TBK1: variants seen among roughly 807,000 people sequenced by gnomAD.
TBK1 encodes TANK binding kinase 1, also known as serine/threonine-protein kinase TBK1.
A neutral mutation model predicts 99.9 loss-of-function variants in TBK1; 37 were observed. That is an observed-to-expected ratio of 0.37 (90% confidence interval 0.28 to 0.49). TBK1 has a LOEUF of 0.49. TBK1 is among the 20% of genes least tolerant of loss of function. TBK1 has a pLI of 0.98. For missense variants in TBK1, 644 were observed against 872.5 expected (o/e 0.74, Z 3.30); for synonymous variants, 258 against 279.8 (o/e 0.92, Z 0.78).
At chr12:64,483,005 G>A (rs1186816484) in intron 8 of TBK1, among the ~76,000 whole-genome samples, 1 of 152,198 alleles carries the variant, frequency 6.6e-6, no homozygotes, top group Non-Finnish European at 1.5e-5. Flanking sequence ...GGGAAGCTGG[G>A]AGAAGAATAT....
intron 15 of TBK1, chr12:64,496,019 A>G: frequency 2.5e-6 from 1 of 408,024 alleles, no homozygotes; most frequent in Non-Finnish European, 4.3e-6. Flanking sequence ...CCAGGCAGGT[A>G]ACAGAAAGGA....
At position 64,500,747 on chromosome 12, in the gene TBK1, C is replaced by T. The variant is rs118156905; in HGVS notation, c.2139-583C>T. ...CTTTGGGTATGTCACACTCCCAACTCGGTATCTTTTTTTTTTTTTTTTTTT... is the reference window on the plus strand; with the variant it reads ...CTTTGGGTATGTCACACTCCCAACTTGGTATCTTTTTTTTTTTTTTTTTTT... On this transcript the variant is annotated intron_variant, in intron 20 of 20. Transcript: ENST00000331710. Among the ~76,000 whole-genome samples the T allele has an allele frequency of 6.4e-3, 916 of 143,252 alleles. 6 individuals carry two copies. The highest frequency in any genetic ancestry group is 0.011 in the Non-Finnish European group (722 of 65,872). The allele number at this position is 143,252 out of a possible 152,430, so 94.0% of individuals were successfully genotyped here.
At chr12:64,492,131 ATTC>A (rs1221495529) in intron 13 of TBK1, among the ~76,000 whole-genome samples, 1 of 152,136 alleles carries the variant, frequency 6.6e-6, no homozygotes, top group South Asian at 2.1e-4. Context: ...AGTGTTTTAT[ATTC>A]TTCTCTGTTT....
chr12:64,476,002 C>T (rs1039470520), intron 6 of TBK1, among the ~76,000 whole-genome samples: 50 of 152,072 alleles, frequency 3.3e-4, no homozygotes, highest in African/African-American at 1.2e-3. Context: ...ATTCCCTTTT[C>T]TCCACAACCT....
chr12:64,499,028 A>G (rs1436694257), intron 20 of TBK1, among the ~76,000 whole-genome samples: 4 of 123,970 alleles, frequency 3.2e-5, no homozygotes, highest in Non-Finnish European at 6.6e-5. Flanking sequence ...GGGTTTTACT[A>G]ATTTTATTCT....
intron 3 of TBK1, among the ~76,000 whole-genome samples, chr12:64,460,906 C>T (rs1592354133): frequency 6.7e-6 from 1 of 148,428 alleles, no homozygotes; most frequent in African/African-American, 2.5e-5. Flanking sequence ...CATGGCAAAA[C>T]CCTGTCTCTG....
At chr12:64,468,432 A>G (rs1241642471) in intron 5 of TBK1, among the ~76,000 whole-genome samples, 1 of 151,946 alleles carries the variant, frequency 6.6e-6, no homozygotes, top group African/African-American at 2.4e-5. Context: ...TGGAGGTTTC[A>G]GTGAGCCGAG....
chr12:64,466,311 T>C (rs1292487551), intron 4 of TBK1, among the ~76,000 whole-genome samples: 1 of 152,138 alleles, frequency 6.6e-6, no homozygotes, highest in African/African-American at 2.4e-5. Flanking sequence ...TTAGACAAAA[T>C]AGCTTAATTT....
At chr12:64,494,644 A>G (rs1445872798) in intron 13 of TBK1, among the ~76,000 whole-genome samples, 1 of 152,228 alleles carries the variant, frequency 6.6e-6, no homozygotes, top group Non-Finnish European at 1.5e-5. Flanking sequence ...ATTTAGAGAC[A>G]ATTTATAAAT....
At chr12:64,457,214 C>T (rs1280729182) in intron 2 of TBK1, among the ~76,000 whole-genome samples, 1 of 152,124 alleles carries the variant, frequency 6.6e-6, no homozygotes, top group Admixed American at 6.5e-5. Flanking sequence ...GGGGGAGGGG[C>T]TGTTTCCTCT....
chr12:64,477,745 T>C (rs1565818251), intron 6 of TBK1, among the ~76,000 whole-genome samples: 1 of 152,182 alleles, frequency 6.6e-6, no homozygotes, highest in Non-Finnish European at 1.5e-5. Flanking sequence ...TAAGGGGAAT[T>C]GCCCATTCAG....
chr12:64,476,259 G>A (rs1323001529), intron 6 of TBK1, among the ~76,000 whole-genome samples: 3 of 144,744 alleles, frequency 2.1e-5, no homozygotes, highest in Non-Finnish European at 4.5e-5. Context: ...CCTGGTTCAC[G>A]CTATTCTCCT....
At chr12:64,471,913 G>T (rs191078147) in intron 5 of TBK1, among the ~76,000 whole-genome samples, 5 of 152,206 alleles carry the variant, frequency 3.3e-5, no homozygotes, top group African/African-American at 1.2e-4. Context: ...GTGTGAGGAG[G>T]TCCGTCTTTG....
chr12:64,500,298 CT>C (rs1015345423), intron 20 of TBK1, among the ~76,000 whole-genome samples: 2 of 152,200 alleles, frequency 1.3e-5, no homozygotes, highest in Non-Finnish European at 2.9e-5. Context: ...CTCTCTGCTC[CT>C]TATCCTGTTC....
chr12:64,497,934 G>A (rs2040946952), intron 19 of TBK1, 34 bp from the exon 20 acceptor site: 1 of 1,585,652 alleles, frequency 6.3e-7, no homozygotes, highest in Admixed American at 1.7e-5. Flanking sequence ...TTTGCATACT[G>A]TTTTTGAGCA....
At chr12:64,463,711 AAAG>A (rs1198047705) in intron 3 of TBK1, among the ~76,000 whole-genome samples, 9 of 151,352 alleles carry the variant, frequency 5.9e-5, no homozygotes, top group Non-Finnish European at 1.2e-4. Flanking sequence ...AAAAAAAAAA[AAAG>A]AAAGGAATTT....
At chr12:64,467,368 C>A (rs1050726429) in intron 5 of TBK1, among the ~76,000 whole-genome samples, 5 of 152,092 alleles carry the variant, frequency 3.3e-5, no homozygotes, top group African/African-American at 1.2e-4. Context: ...GAGCAGTCAG[C>A]ATATTACAAG....
chr12:64,465,500 C>CAAAAAAAAAA (rs10714405), intron 4 of TBK1, among the ~76,000 whole-genome samples: 1 of 139,860 alleles, frequency 7.2e-6, no homozygotes, highest in Non-Finnish European at 1.6e-5. Flanking sequence ...TTCATAATAG[C>CAAAAAAAAAA]AAAAAAAAAA....
intron 1 of TBK1, among the ~76,000 whole-genome samples, chr12:64,455,548 TTGAA>T: frequency 6.6e-6 from 1 of 152,318 alleles, no homozygotes; most frequent in East Asian, 1.9e-4. Context: ...GATTAAAAAG[TTGAA>T]AGTAAAAATC....
Sources: allele counts gnomAD v4.1 joint callset (sites outside exome capture counted in the v4.1 genomes callset), GRCh38; gene constraint gnomAD v4.1.1; transcripts MANE v1.5; gene names NCBI Gene and HGNC (gene_info 2026-07-23, HGNC 2026-07-21).